The following CFAP47 variants were observed in gnomAD, a reference collection of about 807,000 sequenced individuals.
The protein encoded by CFAP47 is cilia and flagella associated protein 47, also known as cilia- and flagella-associated protein 47.
A neutral mutation model predicts 148.1 loss-of-function variants in CFAP47; 29 were observed. That is an observed-to-expected ratio of 0.20 (90% CI 0.15 to 0.27). The LOEUF (loss-of-function observed/expected upper bound fraction) is 0.27. Among genes scored for constraint, CFAP47 ranks in the 10% least tolerant of loss-of-function variants. The pLI is 1.00. For missense variants in CFAP47, 1,872 were observed against 1,697.5 expected (o/e 1.10, Z -1.81); for synonymous variants, 664 against 577.3 (o/e 1.15, Z -2.15).
intron 2 of CFAP47, among the ~76,000 whole-genome samples, chrX:35,932,269 T>C (rs1353616213): frequency 9.5e-6 from 1 of 104,749 alleles, no homozygotes; most frequent in African/African-American, 3.5e-5. Context: ...TCTTTCTTTT[T>C]TTTTTTTTGA....
intron 39 of CFAP47, among the ~76,000 whole-genome samples, chrX:36,168,382 G>A (rs963782292): frequency 2.2e-4 from 24 of 111,294 alleles, no homozygotes; most frequent in African/African-American, 6.9e-4. Flanking sequence ...TACAATCAGC[G>A]TCTAATGTAA....
chrX:35,956,071 C>T lies in CFAP47; in HGVS notation c.1285C>T (p.Arg429Cys), dbSNP rs761074842. The T allele has an allele frequency of 4.1e-6, 5 of 1,210,815 alleles. No individual in the cohort carries two copies. The Admixed American group carries it at 1.1e-4, about 26-fold the overall frequency. The change falls in exon 8 of 64, where the codon CGT becomes TGT. Residue 429 changes from arginine to cysteine, a missense_variant. By Grantham distance (180) the Arg-to-Cys change is radical. Coordinates refer to ENST00000378653, the MANE Select transcript of CFAP47 (RefSeq NM_001304548.2). ...TTTTAAACCTTGTTTCATGGGTGAA[C>T]GTTCAGAAATTCAGTGCATCATAAA... ...LNFKPCFMGE[R>C]SEIQCIIKNQ... is the part of the protein sequence containing the mutation.
intron 2 of CFAP47, among the ~76,000 whole-genome samples, chrX:35,937,048 A>T (rs150932158): frequency 0.017 from 1,616 of 97,720 alleles, 38 homozygotes; most frequent in African/African-American, 0.058. Context: ...GAAAAAGGAG[A>T]GGTTTGAGCC....
intron 60 of CFAP47, 82 bp from the exon 61 acceptor site, chrX:36,361,247 AT>A (rs1941825646): frequency 1.9e-6 from 1 of 515,041 alleles, no homozygotes; most frequent in Non-Finnish European, 3.2e-6. Flanking sequence ...ATACCTGTGC[AT>A]TGTTAGTCTT....
At chrX:36,351,283 CAT>C (rs1363484869) in intron 59 of CFAP47, among the ~76,000 whole-genome samples, 2 of 111,952 alleles carry the variant, frequency 1.8e-5, no homozygotes, top group African/African-American at 3.2e-5. Flanking sequence ...AAAATCAACA[CAT>C]AGATAAATAT....
intron 51 of CFAP47, among the ~76,000 whole-genome samples, chrX:36,296,789 G>A (rs1260119338): frequency 9.0e-6 from 1 of 111,278 alleles, no homozygotes; most frequent in Non-Finnish European, 1.9e-5. Flanking sequence ...GGCTCATATT[G>A]GGTTGATAGT....
At chrX:36,164,850 A>G (rs1240520724) in intron 39 of CFAP47, among the ~76,000 whole-genome samples, 1 of 111,611 alleles carries the variant, frequency 9.0e-6, no homozygotes, top group Non-Finnish European at 1.9e-5. Flanking sequence ...GAAGTGCATG[A>G]TATTGTTAAC....
chrX:36,255,268 C>T (rs1354369834), intron 49 of CFAP47, among the ~76,000 whole-genome samples: 4 of 111,998 alleles, frequency 3.6e-5, no homozygotes, highest in Admixed American at 9.5e-5. Flanking sequence ...AATCAGATTC[C>T]GAGAGAGGAA....
chrX:36,071,006 C>T lies in CFAP47; in HGVS notation c.4319-819C>T, dbSNP rs756874526. ...CAAAACTGCCCTGAGCTGCTACCCT[C>T]TGCCTAGGGCTAGCCCTGCTCTCCA... On this transcript the variant is annotated intron_variant, in intron 27 of 63. Coordinates refer to ENST00000378653, the MANE Select transcript of CFAP47 (RefSeq NM_001304548.2). Among the ~76,000 whole-genome samples, 5 of 112,636 alleles carry T rather than the reference C, an allele frequency of 4.4e-5. No homozygotes were observed. In the South Asian group the frequency reaches 1.8e-3, roughly 41 times the overall value.
intron 48 of CFAP47, 54 bp downstream of exon 48, chrX:36,236,913 A>T (rs1379681538): frequency 4.9e-6 from 2 of 406,410 alleles, no homozygotes; most frequent in Non-Finnish European, 8.6e-6. Context: ...AGTGAATCAC[A>T]TGAAATATAA....
intron 22 of CFAP47, among the ~76,000 whole-genome samples, chrX:36,022,978 T>C (rs970763481): frequency 5.3e-5 from 6 of 112,409 alleles, no homozygotes; most frequent in African/African-American, 1.9e-4. Flanking sequence ...TCTTATGTAG[T>C]TCATTTGATG....
intron 49 of CFAP47, 112 bp from the exon 50 acceptor site, chrX:36,280,375 C>T: frequency 3.2e-6 from 1 of 315,172 alleles, no homozygotes; most frequent in Non-Finnish European, 5.5e-6. Flanking sequence ...AATTAATTTT[C>T]ACTTTATATT....
intron 30 of CFAP47, among the ~76,000 whole-genome samples, chrX:36,095,134 A>G (rs1323333602): frequency 9.0e-6 from 1 of 111,701 alleles, no homozygotes; most frequent in Non-Finnish European, 1.9e-5. Context: ...TGAAATTATC[A>G]TATGATTTTT....
chrX:36,157,962 G>A (rs183854913), intron 37 of CFAP47, among the ~76,000 whole-genome samples: 17 of 111,817 alleles, frequency 1.5e-4, no homozygotes, highest in African/African-American at 5.2e-4. Context: ...GCACACAATT[G>A]AAATTGTTGA....
At chrX:36,148,118 C>T (rs762095059) in intron 36 of CFAP47, among the ~76,000 whole-genome samples, 1 of 111,666 alleles carries the variant, frequency 9.0e-6, no homozygotes, top group South Asian at 3.8e-4. Context: ...CAAGGAAAAG[C>T]AGGAATTTAC....
intron 15 of CFAP47, among the ~76,000 whole-genome samples, chrX:35,979,185 G>A (rs1187484511): frequency 9.1e-6 from 1 of 110,457 alleles, no homozygotes; most frequent in Non-Finnish European, 1.9e-5. Context: ...CTCCATGTTG[G>A]TCAGGCTGGT....
At chrX:35,986,667 T>C (rs1384430554) in intron 15 of CFAP47, among the ~76,000 whole-genome samples, 2 of 110,718 alleles carry the variant, frequency 1.8e-5, no homozygotes, top group Non-Finnish European at 3.8e-5. Context: ...GGAGTTGTGA[T>C]ACTTTGGAGG....
rs1282789284 is a variant in CFAP47 at position 36,145,251 on chromosome X, G to A, written c.5568G>A (p.Leu1856=). The A allele has an allele frequency of 6.6e-6, 2 of 302,624 alleles. No individual in the cohort carries two copies. The highest frequency in any genetic ancestry group is 1.2e-5 in the Non-Finnish European group (2 of 173,308). The allele number at this position is 302,624 out of a possible 1,213,427, so 24.9% of individuals were successfully genotyped here. ...ACATCTGTGACCCAAATCCAATCCT[G>A]ATGCTCATGCTTTGTGTCTACATGT... ...ATDICDPNPI[L]MLMLCVYMYE... Residue 1856 remains leucine (L), a synonymous_variant, in exon 36 of 64, where the codon CTG becomes CTA. Coordinates refer to ENST00000378653, the MANE Select transcript of CFAP47 (RefSeq NM_001304548.2).
chrX:36,039,656 A>C (rs1937380400), intron 25 of CFAP47, among the ~76,000 whole-genome samples: 1 of 111,845 alleles, frequency 8.9e-6, no homozygotes, highest in African/African-American at 3.3e-5. Context: ...GTCTTCCTCC[A>C]AGCTCTCAAG....
Sources: allele counts gnomAD v4.1 joint callset (sites outside exome capture counted in the v4.1 genomes callset), GRCh38; gene constraint gnomAD v4.1.1; transcripts MANE v1.5; gene names NCBI Gene and HGNC (gene_info 2026-07-23, HGNC 2026-07-21).